SOX5: variants seen among roughly 807,000 people sequenced by gnomAD.
SOX5 encodes the protein SRY-box transcription factor 5, also known as transcription factor SOX-5.
Under a neutral mutation model 92.0 loss-of-function variants are expected in SOX5, and 9 were observed. The ratio of observed to expected loss-of-function variants is 0.10; its 90% confidence interval spans 0.06 to 0.17. The LOEUF is 0.17. Ranked by LOEUF, SOX5 falls within the 10% of genes least tolerant of loss-of-function variation. The pLI is 1.00. For synonymous variants in SOX5, 344 were observed against 336.3 expected, an observed-to-expected ratio of 1.02 and a Z score of -0.25; for missense variants, 642 against 944.5, an observed-to-expected ratio of 0.68 and a Z score of 4.20.
At chr12:24,003,895 A>T (rs11047198) in intron 4 of SOX5, among the ~76,000 whole-genome samples, 73,052 of 151,820 alleles carry the variant, frequency 0.48, 17,818 homozygotes, top group Middle Eastern at 0.53. Flanking sequence ...TATTTCAAAG[A>T]ACAATATAAA....
intron 2 of SOX5, among the ~76,000 whole-genome samples, chr12:23,883,299 C>G (rs749038651): frequency 2.0e-5 from 3 of 152,080 alleles, no homozygotes; most frequent in Admixed American, 6.5e-5. Context: ...TCCGAGGATA[C>G]TGACAGACCT....
chr12:24,138,815 T>C lies in SOX5; in HGVS notation c.-2+74528A>G, dbSNP rs1301363420. The stretch of plus-strand genomic sequence containing the variant: ...ATTTCAACTATGCACATCTACAGGA[T>C]GATCCTAGAGATATTCCCCCCATTT... On this transcript the variant is annotated intron_variant, in intron 4 of 4. Coordinates refer to the SOX5 transcript ENST00000446891. Among the ~76,000 whole-genome samples, 3 of 152,302 alleles carry C rather than the reference T, an allele frequency of 2.0e-5. No homozygotes were observed. The East Asian group carries it at 5.8e-4, about 29-fold the overall frequency.
intron 3 of SOX5, among the ~76,000 whole-genome samples, chr12:23,797,129 A>G (rs1367958362): frequency 2.0e-5 from 3 of 151,902 alleles, no homozygotes; most frequent in Non-Finnish European, 4.4e-5. Flanking sequence ...TCATATAACT[A>G]GAATGGATTC....
At chr12:23,941,180 G>A (rs1016483465) in intron 1 of SOX5, among the ~76,000 whole-genome samples, 1 of 151,506 alleles carries the variant, frequency 6.6e-6, no homozygotes, top group African/African-American at 2.4e-5. Flanking sequence ...TTTTGCATGT[G>A]CACACACGTA....
At chr12:23,550,260 G>A (rs764570653) in intron 11 of SOX5, among the ~76,000 whole-genome samples, 1 of 151,844 alleles carries the variant, frequency 6.6e-6, no homozygotes, top group Non-Finnish European at 1.5e-5. Context: ...CACTTTTGAG[G>A]TTAGAAAATA....
chr12:23,887,085 T>C (rs2097075856), intron 2 of SOX5, among the ~76,000 whole-genome samples: 1 of 152,206 alleles, frequency 6.6e-6, no homozygotes. Context: ...CACTACATTG[T>C]TTCTGTTACT....
intron 4 of SOX5, among the ~76,000 whole-genome samples, chr12:24,151,588 GT>G (rs1951661124): frequency 6.6e-6 from 1 of 151,810 alleles, no homozygotes; most frequent in Non-Finnish European, 1.5e-5. Context: ...GTTTTGTTTT[GT>G]TTTTTAAGAA....
chr12:24,485,182 C>T (rs898935852), intron 1 of SOX5, among the ~76,000 whole-genome samples: 6 of 152,052 alleles, frequency 3.9e-5, no homozygotes, highest in East Asian at 1.9e-4. Context: ...AGAACAAAGC[C>T]GGTAAAATGT....
At chr12:24,026,545 T>G (rs1954900155) in intron 4 of SOX5, among the ~76,000 whole-genome samples, 1 of 149,736 alleles carries the variant, frequency 6.7e-6, no homozygotes, top group South Asian at 2.1e-4. Flanking sequence ...AGTTCTGGAG[T>G]TTGAGACCAG....
Position 24,089,747 on chromosome 12 carries a change from A to C in SOX5, c.-2+123596T>G, listed in dbSNP as rs961720037. 3.3e-5 allele frequency among the ~76,000 whole-genome samples: 5 copies of C among 152,274 alleles called. No individual in the cohort carries two copies. The South Asian group carries it at 1.0e-3, about 32-fold the overall frequency. On this transcript the variant is annotated intron_variant, in intron 4 of 4. Coordinates refer to the SOX5 transcript ENST00000446891. ...CCAGATTGCCATAGAGATTCCTATA[A>C]GGAATTCTTTAAGATGAGACCTGAA...
At chr12:23,961,121 T>G (rs1946882366) in intron 4 of SOX5, among the ~76,000 whole-genome samples, 1 of 152,170 alleles carries the variant, frequency 6.6e-6, no homozygotes, top group South Asian at 2.1e-4. Context: ...GAAAGTTACA[T>G]TTTTATTATT....
chr12:24,227,785 G>C (rs903550714), intron 3 of SOX5: 1 of 152,144 alleles, frequency 6.6e-6, no homozygotes, highest in Non-Finnish European at 1.5e-5. Context: ...GGTATCCTTC[G>C]ATGAGTACTG....
chr12:23,611,367 T>TGC (rs1555200098), intron 8 of SOX5, among the ~76,000 whole-genome samples: 4 of 127,042 alleles, frequency 3.1e-5, no homozygotes, highest in East Asian at 2.4e-4. Flanking sequence ...TGTGTGTGTG[T>TGC]GCGTGTGTGT....
rs192003688 is a variant in SOX5 at position 23,781,967 on chromosome 12, T to A, written c.482-26243A>T. Among the ~76,000 whole-genome samples the A allele has an allele frequency of 4.6e-4, 70 of 152,218 alleles. 1 individual carries two copies. Among genetic ancestry groups the A allele is most frequent in the Non-Finnish European group, 4.4e-5 (3 of 67,932 alleles). ...AAAAGAAATGAATGGAAACTCAAGT[T>A]AAAAAGACTTGGATTTCTTGGTAAG... On this transcript the variant is annotated intron_variant, in intron 3 of 14. Transcript: ENST00000451604.
In SOX5 at chr12:23,974,025, GT is replaced by G. The variant is rs371175386; in HGVS notation, c.-1-78002del. ...GTTGGGGACTGTTGCTGTATATGCTGTTTTTTTTCCTATACATATATACCTA... is the reference window on the plus strand; with the variant it reads ...GTTGGGGACTGTTGCTGTATATGCTGTTTTTTTCCTATACATATATACCTA... On this transcript the variant is annotated intron_variant, in intron 4 of 4. Coordinates refer to the SOX5 transcript ENST00000446891. 9.9e-3 allele frequency among the ~76,000 whole-genome samples: 1,505 copies of G among 151,946 alleles called. 35 individuals are homozygous for G. Among genetic ancestry groups the G allele is most frequent in the African/African-American group, 0.034 (1,428 of 41,434 alleles).
intron 4 of SOX5, among the ~76,000 whole-genome samples, chr12:23,984,164 T>C (rs1404727996): frequency 6.6e-6 from 1 of 152,194 alleles, no homozygotes; most frequent in East Asian, 1.9e-4. Flanking sequence ...AACACTGTGC[T>C]AAGCATCAGA....
Position 23,637,400 on chromosome 12 carries a change from A to G in SOX5, c.1017+3412T>C, listed in dbSNP as rs117619884. 7.7e-3 allele frequency among the ~76,000 whole-genome samples: 1,166 copies of G among 152,302 alleles called. 9 individuals carry two copies. The highest frequency in any genetic ancestry group is 0.012 in the Non-Finnish European group (818 of 68,016). On this transcript the variant is annotated intron_variant, in intron 8 of 14. Transcript: ENST00000451604. Reference sequence around the variant, plus strand: ...TTCAATGGTTCTAAAGAAAGACATCAGCAATTGGTACTAGACAGCACCCAT... The same window carrying G: ...TTCAATGGTTCTAAAGAAAGACATCGGCAATTGGTACTAGACAGCACCCAT...
chr12:24,546,995 G>A (rs1202165893), intron 1 of SOX5, among the ~76,000 whole-genome samples: 2 of 152,058 alleles, frequency 1.3e-5, no homozygotes. Flanking sequence ...TATATAATAT[G>A]CTCAGGAAGA....
At chr12:23,715,248 G>C (rs2092403534) in intron 6 of SOX5, among the ~76,000 whole-genome samples, 1 of 150,616 alleles carries the variant, frequency 6.6e-6, no homozygotes, top group African/African-American at 2.5e-5. Flanking sequence ...GCAGTGAGCC[G>C]AGATAGTGCC....
Sources: gnomAD v4.1 joint callset for allele counts (sites outside exome capture counted in the v4.1 genomes callset) on GRCh38, gnomAD v4.1.1 for gene constraint, MANE v1.5 for transcripts, NCBI Gene and HGNC (gene_info 2026-07-23, HGNC 2026-07-21) for gene names.